Variants in CALN1 observed in about 807,000 individuals in gnomAD.
The protein encoded by CALN1 is calcium-binding protein 8.
A neutral mutation model predicts 30.6 loss-of-function variants in CALN1; 17 were observed. That is an observed-to-expected ratio of 0.56 (90% CI 0.38 to 0.83). The LOEUF (loss-of-function observed/expected upper bound fraction) is 0.83, where lower values mean the gene tolerates loss of function less well. Among genes scored for constraint, CALN1 ranks in the 40% least tolerant of loss-of-function variants. The pLI is 0.00. For missense variants in CALN1, 291 were observed against 354.9 expected, an observed-to-expected ratio of 0.82 and a Z score of 1.45; for synonymous variants, 156 against 131.4, an observed-to-expected ratio of 1.19 and a Z score of -1.28.
At chr7:71,928,261 A>G (rs1795369223) in intron 5 of CALN1, among the ~76,000 whole-genome samples, 1 of 152,108 alleles carries the variant, frequency 6.6e-6, no homozygotes, top group African/African-American at 2.4e-5. Context: ...AATTTGTTTA[A>G]AAATTTCACT....
intron 5 of CALN1, among the ~76,000 whole-genome samples, chr7:71,983,535 T>G (rs1798508960): frequency 6.8e-6 from 1 of 146,550 alleles, no homozygotes; most frequent in Non-Finnish European, 1.5e-5. Flanking sequence ...TGGATGCTTT[T>G]TTTTTCTTTT....
intron 2 of CALN1, among the ~76,000 whole-genome samples, chr7:72,389,824 C>A (rs1805462899): frequency 6.6e-6 from 1 of 151,904 alleles, no homozygotes; most frequent in Non-Finnish European, 1.5e-5. Flanking sequence ...GAGGCTGAGG[C>A]AGGAGAATCC....
intron 6 of CALN1, among the ~76,000 whole-genome samples, chr7:71,788,506 T>C (rs1286852748): frequency 6.6e-6 from 1 of 151,146 alleles, no homozygotes; most frequent in Non-Finnish European, 1.5e-5. Context: ...TTTTTTTTTT[T>C]TTAGAGAAAG....
At chr7:72,224,620 A>C (rs529770904) in intron 3 of CALN1, among the ~76,000 whole-genome samples, 1 of 152,034 alleles carries the variant, frequency 6.6e-6, no homozygotes, top group East Asian at 1.9e-4. Flanking sequence ...TGTCTTTACT[A>C]AAAATACAAA....
intron 2 of CALN1, among the ~76,000 whole-genome samples, chr7:72,317,153 A>C (rs1449575696): frequency 8.5e-6 from 1 of 118,182 alleles, no homozygotes; most frequent in African/African-American, 3.2e-5. Context: ...GGCAGGGAAG[A>C]AGGGAGCAGG....
intron 3 of CALN1, among the ~76,000 whole-genome samples, chr7:72,277,744 T>C (rs535889860): frequency 4.6e-5 from 7 of 152,150 alleles, no homozygotes; most frequent in Non-Finnish European, 8.8e-5. Flanking sequence ...TCCATCTTCC[T>C]TCTGGGAGAA....
intron 2 of CALN1, among the ~76,000 whole-genome samples, chr7:72,362,301 G>A (rs935477516): frequency 2.0e-5 from 3 of 152,182 alleles, no homozygotes; most frequent in African/African-American, 7.2e-5. Context: ...CCACCTCCCA[G>A]TGAAGATATA....
chr7:71,956,582 C>T (rs910412064), intron 5 of CALN1, among the ~76,000 whole-genome samples: 2 of 151,914 alleles, frequency 1.3e-5, no homozygotes, highest in Non-Finnish European at 2.9e-5. Context: ...CAGCCTCAGC[C>T]TCCCAAAGTG....
chr7:72,080,456 T>TAA (rs1805060231), intron 4 of CALN1, among the ~76,000 whole-genome samples: 1 of 152,204 alleles, frequency 6.6e-6, no homozygotes, highest in Non-Finnish European at 1.5e-5. Flanking sequence ...GGATTTTGTT[T>TAA]GTTTCATTTG....
At chr7:71,916,123 T>G (rs1376987678) in intron 5 of CALN1, among the ~76,000 whole-genome samples, 1 of 152,152 alleles carries the variant, frequency 6.6e-6, no homozygotes, top group Non-Finnish European at 1.5e-5. Flanking sequence ...GATGTGACAC[T>G]TGAGCGAAGA....
At chr7:72,460,743 C>T in the CALN1 span, among the ~76,000 whole-genome samples, 1 of 152,116 alleles carries the variant, frequency 6.6e-6, no homozygotes, top group African/African-American at 2.4e-5. Flanking sequence ...CCCTTGAGTA[C>T]CAGGTCTAAT....
intron 2 of CALN1, among the ~76,000 whole-genome samples, chr7:72,307,843 C>T (rs1198247774): frequency 6.6e-6 from 1 of 151,414 alleles, no homozygotes; most frequent in Non-Finnish European, 1.5e-5. Flanking sequence ...TGCCTCAGGA[C>T]ATCTGCTGGC....
At chr7:72,141,864 G>A (rs555751132) in intron 3 of CALN1, among the ~76,000 whole-genome samples, 24 of 152,144 alleles carry the variant, frequency 1.6e-4, no homozygotes, top group Admixed American at 7.2e-4. Context: ...TCACTGTGCC[G>A]GGCCAACATC....
At chr7:71,813,615 C>CTA (rs1041703711) in intron 5 of CALN1, among the ~76,000 whole-genome samples, 2 of 152,132 alleles carry the variant, frequency 1.3e-5, no homozygotes, top group Non-Finnish European at 2.9e-5. Flanking sequence ...TTAAAAGACA[C>CTA]TATAACTGTT....
intron 2 of CALN1, among the ~76,000 whole-genome samples, chr7:72,377,855 G>A (rs998318078): frequency 6.6e-6 from 1 of 152,134 alleles, no homozygotes; most frequent in Non-Finnish European, 1.5e-5. Context: ...GTCAGCAGAG[G>A]TGAGCACTTA....
chr7:72,034,673 A>T (rs773261225), intron 4 of CALN1, among the ~76,000 whole-genome samples: 1 of 151,706 alleles, frequency 6.6e-6, no homozygotes, highest in African/African-American at 2.4e-5. Context: ...CTGTAATTCC[A>T]GCTACTCAGG....
At chr7:72,292,082 G>A (rs907300304) in intron 2 of CALN1, among the ~76,000 whole-genome samples, 7 of 151,590 alleles carry the variant, frequency 4.6e-5, no homozygotes, top group Admixed American at 3.9e-4. Context: ...TTGCTACTAG[G>A]TTGTACAAGA....
At chr7:71,901,645 A>C (rs1793855295) in intron 5 of CALN1, among the ~76,000 whole-genome samples, 1 of 152,176 alleles carries the variant, frequency 6.6e-6, no homozygotes, top group Admixed American at 6.5e-5. Context: ...TTTTTGACAA[A>C]GTCAACAAAA....
chr7:72,323,838 T>C (rs10235492), intron 2 of CALN1, among the ~76,000 whole-genome samples: 149,660 of 152,104 alleles, frequency 0.98, 73,668 homozygotes, highest in Middle Eastern at 1. Context: ...GAGTCCAAGA[T>C]TTTGAGACTG....
Sources: allele counts gnomAD v4.1 joint callset (sites outside exome capture counted in the v4.1 genomes callset), GRCh38; gene constraint gnomAD v4.1.1; transcripts MANE v1.5; gene names NCBI Gene and HGNC (gene_info 2026-07-23, HGNC 2026-07-21).